The following C4orf50 variants were observed in gnomAD, a reference collection of about 807,000 sequenced individuals.
C4orf50 encodes the protein uncharacterized protein C4orf50.
A neutral mutation model predicts 77.2 loss-of-function variants in C4orf50; 80 were observed. That is an observed-to-expected ratio of 1.04 (90% CI 0.87 to 1.25). The LOEUF (loss-of-function observed/expected upper bound fraction) is 1.25, where lower values mean the gene tolerates loss of function less well. Among genes scored for constraint, C4orf50 ranks in the 50% most tolerant of loss-of-function variants. The pLI is 0.00. For synonymous variants in C4orf50, 532 were observed against 465.3 expected (o/e 1.14, Z -1.84); for missense variants, 1,257 against 1,152.9 (o/e 1.09, Z -1.31).
intron 28 of C4orf50, among the ~76,000 whole-genome samples, chr4:5,982,162 C>T (rs1489691700): frequency 1.3e-5 from 2 of 152,110 alleles, no homozygotes; most frequent in East Asian, 1.9e-4. Flanking sequence ...AGCTTCAAGA[C>T]GTCAAAACAA....
At chr4:5,930,559 A>G (rs1204903283) in intron 7 of C4orf50, among the ~76,000 whole-genome samples, 1 of 152,162 alleles carries the variant, frequency 6.6e-6, no homozygotes, top group Non-Finnish European at 1.5e-5. Context: ...ACTTTAATCC[A>G]TGTGTCTGAG....
chr4:5,978,216 A>G (rs1310187621), intron 29 of C4orf50, among the ~76,000 whole-genome samples: 1 of 152,222 alleles, frequency 6.6e-6, no homozygotes, highest in Non-Finnish European at 1.5e-5. Flanking sequence ...ACTGCTGGTG[A>G]GAACATAAAA....
At chr4:5,949,777 A>T (rs1718640775) in intron 7 of C4orf50, among the ~76,000 whole-genome samples, 1 of 152,230 alleles carries the variant, frequency 6.6e-6, no homozygotes, top group Non-Finnish European at 1.5e-5. Flanking sequence ...ATCTGAGGTC[A>T]GGAGTTTGAG....
intron 7 of C4orf50, among the ~76,000 whole-genome samples, chr4:5,941,040 A>G (rs979032061): frequency 1.3e-5 from 2 of 152,202 alleles, no homozygotes; most frequent in Non-Finnish European, 2.9e-5. Flanking sequence ...ATCTACATCT[A>G]ATGTGTATAC....
At chr4:5,959,694 A>T in intron 33 of C4orf50, 68 bp from the exon 12 acceptor site, 1 of 1,528,104 alleles carries the variant, frequency 6.5e-7, no homozygotes, top group South Asian at 1.3e-5. Context: ...CCATTCACAC[A>T]TTTAATCAAA....
Position 5,970,189 on chromosome 4 carries a change from C to T in C4orf50, c.4105-2727G>A, listed in dbSNP as rs369223162. ...CCCACTGGGGCTAGGGGTCGGGGGG[C>T]ATAGAGAGGAAGCAAAACAGGCCCA... On this transcript the variant is annotated intron_variant, in intron 31 of 33. Transcript: ENST00000531445. This position sits in a 1 kb window ranked among gnomAD's most constrained non-coding sequence, Gnocchi z 4.3. 6.0e-5 allele frequency among the ~76,000 whole-genome samples: 9 copies of T among 150,746 alleles called. No homozygotes were observed. The highest frequency in any genetic ancestry group is 2.0e-4 in the African/African-American group (8 of 40,910).
Position 5,990,828 on chromosome 4 carries a change from CA to C in C4orf50, c.1222-5del, listed in dbSNP as rs1054627596. ...AGCTGGGCTCTGCCAGAGTAAGCTA[CA>C]AATGGAGAGAGAAGATGAGGTGTGA... On this transcript the variant is annotated splice_polypyrimidine_tract_variant and splice_region_variant and intron_variant, in intron 27 of 33. Transcript: ENST00000531445. The C allele has an allele frequency of 1.3e-5, 5 of 399,066 alleles. No individual in the cohort carries two copies. Among genetic ancestry groups the C allele is most frequent in the African/African-American group, 1.0e-4 (5 of 48,628 alleles). The allele number at this position is 399,066 out of a possible 1,614,324, so 24.7% of individuals were successfully genotyped here. A position where few individuals can be genotyped will look rare whatever the true frequency, so the allele number is the denominator to read the frequency against.
Position 5,916,465 on chromosome 4 carries a change from G to A in C4orf50, c.*2475-18277C>T, listed in dbSNP as rs1214012028. On this transcript the variant is annotated intron_variant, in intron 7 of 7. Transcript: ENST00000324058. This position sits in a 1 kb window ranked among gnomAD's most constrained non-coding sequence, Gnocchi z 4.4. Reference sequence around the variant, plus strand: ...GCACTGGGTTGTTTTCCCTCACATCGCAGCCCACTCCCTTCTTCCCCAGGA... The same window carrying A: ...GCACTGGGTTGTTTTCCCTCACATCACAGCCCACTCCCTTCTTCCCCAGGA... Among the ~76,000 whole-genome samples, 2 of 152,074 alleles carry A rather than the reference G, an allele frequency of 1.3e-5. No individual in the cohort carries two copies. The highest frequency in any genetic ancestry group is 2.4e-5 in the African/African-American group (1 of 41,386).
Position 5,965,062 on chromosome 4 carries a change from C to A in C4orf50, c.4237G>T (p.Glu1413Ter), listed in dbSNP as rs768253448. The change falls in exon 33 of 34, where the codon GAG becomes TAG. Residue 1413 changes from glutamate to a stop codon, truncating the protein, a stop_gained. Transcript: ENST00000531445. LOFTEE classifies it low-confidence loss of function (END_TRUNC). ...AGTTGGGCTGTCTGTGCTGGCCACT[C>A]CGGCTCGGGAATAGGCCAGGACTCT... 6.2e-6 allele frequency: 10 copies of A among 1,613,716 alleles called. No homozygotes were observed. Among genetic ancestry groups the A allele is most frequent in the Middle Eastern group, 1.7e-4 (1 of 6,060 alleles).
chr4:5,994,357 C>T (rs996241377), exon 26 of C4orf50: 1 of 399,176 alleles, frequency 2.5e-6, no homozygotes, highest in African/African-American at 2.1e-5. Flanking sequence ...CTGCTGGGGC[C>T]CTTTGTCTGG....
At chr4:5,987,191 G>A (rs887487579) in intron 28 of C4orf50, among the ~76,000 whole-genome samples, 12 of 151,706 alleles carry the variant, frequency 7.9e-5, no homozygotes, top group Admixed American at 2.0e-4. Context: ...TGGGCAGATC[G>A]CCTGAGCTCA....
rs1344019601 is a variant in C4orf50 at position 6,017,224 on chromosome 4, C to G, written c.287+921G>C. Among the ~76,000 whole-genome samples the G allele has an allele frequency of 6.6e-6, 1 of 152,224 alleles. No homozygotes were observed. The highest frequency in any genetic ancestry group is 1.5e-5 in the Non-Finnish European group (1 of 68,044). On this transcript the variant is annotated intron_variant, in intron 23 of 33. Coordinates refer to ENST00000531445, the Ensembl canonical transcript of C4orf50. The surrounding 1 kb of genome is among the most constrained non-coding windows in gnomAD (Gnocchi z 4.7). ...AGTCCAAAGGCCAGACAGAGACAGG[C>G]AGCCTGGATTAGCAACTGCCGGAAG...
chr4:5,932,740 A>C lies in C4orf50; in HGVS notation c.*2474+24161T>G, dbSNP rs1193952927. On this transcript the variant is annotated intron_variant, in intron 7 of 7. Transcript: ENST00000324058. The surrounding 1 kb of genome is among the most constrained non-coding windows in gnomAD (Gnocchi z 4.2). ...AACAGGTGTGAGTCACTGCACCCAC[A>C]TTACAGTATTAAAAAAGCAAGAGAG... Among the ~76,000 whole-genome samples the C allele has an allele frequency of 1.3e-5, 2 of 152,192 alleles. No homozygotes were observed.
chr4:5,927,312 CCCCACTCCAACCA>C (rs757282788), intron 7 of C4orf50, among the ~76,000 whole-genome samples: 6 of 152,154 alleles, frequency 3.9e-5, no homozygotes, highest in Non-Finnish European at 8.8e-5. Context: ...ACTGACCGCT[CCCCACTCCAACCA>C]CACTCAACTC....
chr4:5,929,704 G>A (rs1311643926), intron 7 of C4orf50, among the ~76,000 whole-genome samples: 3 of 152,234 alleles, frequency 2.0e-5, no homozygotes, highest in African/African-American at 4.8e-5. Flanking sequence ...GCTGCCCAGC[G>A]CTCTGTGAGC....
chr4:5,997,354 C>T (rs182855013), intron 25 of C4orf50, among the ~76,000 whole-genome samples: 52 of 152,318 alleles, frequency 3.4e-4, no homozygotes, highest in Non-Finnish European at 6.0e-4. Context: ...ATCCCTGCCT[C>T]GAGGAAGTGA....
In C4orf50 at chr4:5,905,689, C is replaced by A. The variant is rs10804969; in HGVS notation, c.*2475-7501G>T. ...TCTCTTTATTTGGGGTGCTTCAGAC[C>A]CTTGACATGATATGGAAATTTTATG... is the stretch of plus-strand genomic sequence containing the variant. On this transcript the variant is annotated intron_variant, in intron 7 of 7. Coordinates refer to the C4orf50 transcript ENST00000324058. This position sits in a 1 kb window ranked among gnomAD's most constrained non-coding sequence, Gnocchi z 5.4. 0.38 allele frequency among the ~76,000 whole-genome samples: 58,505 copies of A among 152,084 alleles called. 14,025 individuals are homozygous for A. The highest frequency in any genetic ancestry group is 0.73 in the East Asian group (3,785 of 5,170).
At chr4:5,993,524 A>T (rs1390358751) in intron 26 of C4orf50, among the ~76,000 whole-genome samples, 1 of 152,168 alleles carries the variant, frequency 6.6e-6, no homozygotes, top group Non-Finnish European at 1.5e-5. Context: ...CTGTTATGAG[A>T]TATGGGCTCA....
exon 28 of C4orf50, chr4:5,989,370 A>T (rs942279902): frequency 6.5e-7 from 1 of 1,536,034 alleles, no homozygotes; most frequent in Non-Finnish European, 8.7e-7. Flanking sequence ...CTGGGTTACC[A>T]GGAACTTCGC....
Sources: allele counts gnomAD v4.1 joint callset (sites outside exome capture counted in the v4.1 genomes callset), GRCh38; gene constraint gnomAD v4.1.1; non-coding constraint Gnocchi (gnomAD v3.1); transcripts MANE v1.5; gene names NCBI Gene and HGNC (gene_info 2026-07-23, HGNC 2026-07-21).